DLGAP2: variants seen among roughly 807,000 people sequenced by gnomAD.
DLGAP2 encodes the protein DLG associated protein 2.
A neutral mutation model predicts 100.3 loss-of-function variants in DLGAP2; 26 were observed. That is an observed-to-expected ratio of 0.26 (90% CI 0.19 to 0.36). The LOEUF (loss-of-function observed/expected upper bound fraction) is 0.36. Among genes scored for constraint, DLGAP2 ranks in the 10% least tolerant of loss-of-function variants. The pLI is 1.00. For missense variants in DLGAP2, 1,858 were observed against 1,453.2 expected, an observed-to-expected ratio of 1.28 and a Z score of -4.53; for synonymous variants, 886 against 630.1, an observed-to-expected ratio of 1.41 and a Z score of -6.08.
chr8:774,423 T>C (rs148098703), intron 1 of DLGAP2, among the ~76,000 whole-genome samples: 2,044 of 152,288 alleles, frequency 0.013, 57 homozygotes, highest in African/African-American at 0.046. Flanking sequence ...AGTCCTTGCC[T>C]ATGCCTATGT....
intron 10 of DLGAP2, among the ~76,000 whole-genome samples, chr8:1,671,196 C>A (rs1585049682): frequency 6.6e-6 from 1 of 152,356 alleles, no homozygotes; most frequent in East Asian, 1.9e-4. Context: ...CTCTGCTCTG[C>A]TTCTCAAAGA....
intron 1 of DLGAP2, among the ~76,000 whole-genome samples, chr8:867,833 G>A (rs1797526948): frequency 6.6e-6 from 1 of 152,190 alleles, no homozygotes; most frequent in African/African-American, 2.4e-5. Context: ...GATGTGAGCT[G>A]AGCATTATTT....
At chr8:1,519,719 G>A (rs943995061) in intron 4 of DLGAP2, among the ~76,000 whole-genome samples, 10 of 152,258 alleles carry the variant, frequency 6.6e-5, no homozygotes, top group African/African-American at 2.2e-4. Flanking sequence ...GCACTTGCCT[G>A]CCTGTAAGAA....
chr8:833,526 T>C (rs1036956822), intron 1 of DLGAP2, among the ~76,000 whole-genome samples: 1 of 152,102 alleles, frequency 6.6e-6, no homozygotes, highest in Non-Finnish European at 1.5e-5. Flanking sequence ...GGTGGGGGTG[T>C]CTCTGATGCT....
intron 3 of DLGAP2, among the ~76,000 whole-genome samples, chr8:1,291,411 TGA>T (rs973780012): frequency 6.6e-6 from 1 of 152,056 alleles, no homozygotes; most frequent in African/African-American, 2.4e-5. Context: ...TTTCTACATG[TGA>T]GAGTGAATTA....
chr8:1,662,359 C>T (rs1400903673), intron 8 of DLGAP2, among the ~76,000 whole-genome samples: 1 of 152,084 alleles, frequency 6.6e-6, no homozygotes, highest in Non-Finnish European at 1.5e-5. Flanking sequence ...CCACCAAAGG[C>T]ATTTTGATTT....
intron 4 of DLGAP2, among the ~76,000 whole-genome samples, chr8:1,506,133 A>G (rs1799904367): frequency 1.3e-5 from 2 of 152,214 alleles, no homozygotes; most frequent in South Asian, 4.1e-4. Context: ...CATAGCTTTA[A>G]TCATCTCCAC....
At chr8:1,026,298 G>A (rs893657700) in intron 2 of DLGAP2, among the ~76,000 whole-genome samples, 2 of 152,238 alleles carry the variant, frequency 1.3e-5, no homozygotes, top group African/African-American at 4.8e-5. Context: ...TGACCCCAAC[G>A]CTTTGCTCTT....
intron 6 of DLGAP2, among the ~76,000 whole-genome samples, chr8:1,616,883 C>T (rs1468859881): frequency 2.0e-5 from 3 of 152,034 alleles, no homozygotes; most frequent in African/African-American, 4.8e-5. Context: ...TGATCCTCTC[C>T]CTCCTTCTAA....
chr8:1,513,023 G>A (rs1584972333), intron 4 of DLGAP2, among the ~76,000 whole-genome samples: 1 of 151,832 alleles, frequency 6.6e-6, no homozygotes, highest in Admixed American at 6.6e-5. Context: ...CAGTGCAGAG[G>A]AGGATGGAAG....
chr8:1,011,444 T>C (rs1448602272), intron 2 of DLGAP2, among the ~76,000 whole-genome samples: 1 of 150,380 alleles, frequency 6.6e-6, no homozygotes, highest in African/African-American at 2.5e-5. Flanking sequence ...GGTCTCAGTC[T>C]ACACAGTGAG....
intron 6 of DLGAP2, among the ~76,000 whole-genome samples, chr8:1,583,390 C>A (rs942045220): frequency 2.0e-5 from 3 of 151,090 alleles, no homozygotes; most frequent in Non-Finnish European, 2.9e-5. Flanking sequence ...TTGCTCCACA[C>A]AGCGTAACAC....
chr8:1,053,442 G>T (rs576667251), intron 2 of DLGAP2, among the ~76,000 whole-genome samples: 1 of 152,182 alleles, frequency 6.6e-6, no homozygotes, highest in Non-Finnish European at 1.5e-5. Flanking sequence ...GGAACCAGAA[G>T]GACCAGGTGT....
chr8:1,355,985 A>C (rs760268017), intron 3 of DLGAP2, among the ~76,000 whole-genome samples: 3 of 152,212 alleles, frequency 2.0e-5, no homozygotes, highest in South Asian at 2.1e-4. Flanking sequence ...AAGGCTCCGC[A>C]TTTGGGTGTT....
chr8:1,277,180 A>G (rs1427754025), intron 3 of DLGAP2, among the ~76,000 whole-genome samples: 5 of 152,212 alleles, frequency 3.3e-5, no homozygotes. Context: ...TGTTTCATTC[A>G]AAGTGTGGCT....
chr8:994,958 G>A (rs1323813929), intron 2 of DLGAP2, among the ~76,000 whole-genome samples: 1 of 152,182 alleles, frequency 6.6e-6, no homozygotes, highest in African/African-American at 2.4e-5. Context: ...CACGGGGGCA[G>A]GGCACATATT....
chr8:906,190 A>G (rs937927265), intron 1 of DLGAP2, among the ~76,000 whole-genome samples: 1 of 152,216 alleles, frequency 6.6e-6, no homozygotes, highest in Admixed American at 6.5e-5. Flanking sequence ...GAGATCCCTT[A>G]GGTGGTGTCT....
intron 2 of DLGAP2, among the ~76,000 whole-genome samples, chr8:1,223,322 GC>G (rs1323311095): frequency 1.3e-5 from 2 of 152,126 alleles, no homozygotes; most frequent in African/African-American, 4.8e-5. Flanking sequence ...TATGCCATGG[GC>G]TGGTCTCTGT....
chr8:1,132,825 G>A (rs1454463493), intron 2 of DLGAP2, among the ~76,000 whole-genome samples: 1 of 152,222 alleles, frequency 6.6e-6, no homozygotes, highest in East Asian at 1.9e-4. Flanking sequence ...CCCAGTCGCT[G>A]GGGCTCATGG....
Sources: allele counts gnomAD v4.1 joint callset (sites outside exome capture counted in the v4.1 genomes callset), GRCh38; gene constraint gnomAD v4.1.1; transcripts MANE v1.5; gene names NCBI Gene and HGNC (gene_info 2026-07-23, HGNC 2026-07-21).